Variants in NHSL2 observed in about 807,000 individuals in gnomAD.
NHSL2 encodes the protein NHS like 2.
NHSL2 carries 27 observed loss-of-function variants against 53.4 expected under a neutral mutation model. The ratio of observed to expected loss-of-function variants is 0.51; its 90% CI spans 0.37 to 0.70. NHSL2 has a LOEUF of 0.70. Among genes scored for constraint, NHSL2 ranks in the 30% least tolerant of loss-of-function variants. NHSL2 has a pLI of 0.00. For missense variants in NHSL2, 892 were observed against 980.1 expected (o/e 0.91, Z 1.20); for synonymous variants, 408 against 404.1 (o/e 1.01, Z -0.12).
At chrX:72,076,008 A>G (rs1016975396) in intron 1 of NHSL2, among the ~76,000 whole-genome samples, 1 of 110,255 alleles carries the variant, frequency 9.1e-6, no homozygotes, top group African/African-American at 3.3e-5. Flanking sequence ...ATCTCAGCCC[A>G]CTGCAGCCTC....
chrX:72,102,148 A>G (rs1398186723), intron 1 of NHSL2, among the ~76,000 whole-genome samples: 1 of 112,435 alleles, frequency 8.9e-6, no homozygotes, highest in African/African-American at 3.2e-5. Context: ...TGCTTTGGAT[A>G]TTGTCTTTGT....
chrX:72,130,234 CCTT>C, intron 1 of NHSL2: 1 of 1,210,340 alleles, frequency 8.3e-7, no homozygotes. Flanking sequence ...CTGTGGCTCT[CCTT>C]CTGGTTTCTG....
At chrX:72,054,209 C>A (rs1407622273) in intron 1 of NHSL2, among the ~76,000 whole-genome samples, 1 of 111,641 alleles carries the variant, frequency 9.0e-6, no homozygotes, top group Non-Finnish European at 1.9e-5. Context: ...GTAGAGCCTT[C>A]CTGCTTGCAT....
At chrX:71,977,425 C>T (rs1463228880) in intron 1 of NHSL2, among the ~76,000 whole-genome samples, 4 of 92,692 alleles carry the variant, frequency 4.3e-5, no homozygotes, top group African/African-American at 3.8e-5. Context: ...CTCTCTCTCT[C>T]TTTTTTTTTT....
chrX:72,035,345 G>A, intron 1 of NHSL2, among the ~76,000 whole-genome samples: 1 of 34,853 alleles, frequency 2.9e-5, no homozygotes, highest in East Asian at 1.9e-3. Flanking sequence ...CTCTCGTTGG[G>A]TGGAGGGTTC....
At chrX:72,063,486 A>G (rs1174377721) in intron 1 of NHSL2, among the ~76,000 whole-genome samples, 2 of 112,410 alleles carry the variant, frequency 1.8e-5, no homozygotes, top group Non-Finnish European at 3.8e-5. Context: ...GAAGTTGACC[A>G]TGCCCAGGAC....
At position 72,134,162 on chromosome X, in the gene NHSL2, A is replaced by G. The variant is rs1271032587; in HGVS notation, c.508A>G (p.Lys170Glu). The G allele has an allele frequency of 8.6e-7, 1 of 1,165,782 alleles. No homozygotes were observed. Among genetic ancestry groups the G allele is most frequent in the East Asian group, 3.3e-5 (1 of 30,702 alleles). Reference sequence around the variant, plus strand: ...CTTCCGCTCTTCTGATGAGGCCACTAAGCCCACCCCCAACCCAAGGCCCCA... The same window carrying G: ...CTTCCGCTCTTCTGATGAGGCCACTGAGCCCACCCCCAACCCAAGGCCCCA... ...QTFRSSDEAT[K>E]PTPNPRPQSA... is the part of the protein sequence containing the mutation. The change falls in exon 3 of 8, where the codon AAG (lysine) becomes GAG (glutamate). Residue 170 changes from lysine to glutamate, a missense_variant. Coordinates refer to ENST00000633930, the MANE Select transcript of NHSL2 (RefSeq NM_001013627.3).
At chrX:71,991,818 T>TTCTCTCTCTCTCTCTCTCTCTC (rs59851052) in intron 1 of NHSL2, among the ~76,000 whole-genome samples, 14 of 99,855 alleles carry the variant, frequency 1.4e-4, no homozygotes, top group African/African-American at 4.7e-4. Context: ...GTCTTTCTCT[T>TTCTCTCTCTCTCTCTCTCTCTC]TCTCTCTCTC....
intron 1 of NHSL2, among the ~76,000 whole-genome samples, chrX:72,015,527 G>A (rs780228734): frequency 4.5e-5 from 5 of 112,184 alleles, no homozygotes; most frequent in South Asian, 3.7e-4. Flanking sequence ...GCTAAGTGGC[G>A]TTGCTGGGTA....
Position 71,986,511 on chromosome X carries a change from T to G in NHSL2, c.280+75144T>G, listed in dbSNP as rs759183211. On this transcript the variant is annotated intron_variant, in intron 1 of 7. Coordinates refer to ENST00000633930, the MANE Select transcript of NHSL2 (RefSeq NM_001013627.3). ...CTTTTTCCCTGCCATTTATCCAAAGTCATAGACAAAAACCTTTCATTATCT... is the reference window on the plus strand; with the variant it reads ...CTTTTTCCCTGCCATTTATCCAAAGGCATAGACAAAAACCTTTCATTATCT... Among the ~76,000 whole-genome samples the G allele has an allele frequency of 1.2e-4, 13 of 112,353 alleles. No homozygotes were observed. The South Asian group carries it at 4.8e-3, about 41-fold the overall frequency.
At position 72,152,348 on chromosome X, in the gene NHSL2, TGCGCGC is replaced by T. The variant is rs757711956; in HGVS notation, c.*8779_*8784del. On this transcript the variant is annotated 3_prime_UTR_variant, in exon 8 of 8. Coordinates refer to ENST00000633930, the MANE Select transcript of NHSL2 (RefSeq NM_001013627.3). ...ATCACACCATACATGCGTGTGTGCA[TGCGCGC>T]GCGCACACACACACACACACACACA... The T allele has an allele frequency of 0.083, 1,886 of 22,663 alleles. 23 individuals carry two copies. Among genetic ancestry groups the T allele is most frequent in the Admixed American group, 0.28 (619 of 2,236 alleles). The allele number at this position is 22,663 out of a possible 1,213,427, so 1.9% of individuals were successfully genotyped here.
At chrX:72,119,101 G>A (rs1185828575) in intron 1 of NHSL2, among the ~76,000 whole-genome samples, 3 of 111,770 alleles carry the variant, frequency 2.7e-5, no homozygotes. Context: ...ATTTATTTCA[G>A]GACTCTCAAT....
chrX:72,092,380 A>G (rs2041907054), intron 1 of NHSL2, among the ~76,000 whole-genome samples: 1 of 111,372 alleles, frequency 9.0e-6, no homozygotes, highest in Non-Finnish European at 1.9e-5. Flanking sequence ...TCTGTCACAT[A>G]CACGTTCCCC....
At chrX:72,131,244 G>C (rs2042294785) in intron 1 of NHSL2, 1 of 1,197,951 alleles carries the variant, frequency 8.3e-7, no homozygotes, top group Admixed American at 2.2e-5. Context: ...GATCATCCGA[G>C]ATACAGTCGG....
intron 1 of NHSL2, among the ~76,000 whole-genome samples, chrX:72,015,861 TTCTC>T (rs762746393): frequency 9.6e-4 from 108 of 112,651 alleles, no homozygotes; most frequent in African/African-American, 3.3e-3. Context: ...TTTACAGAAA[TTCTC>T]TATATATTTT....
chrX:72,150,704 A>G lies in NHSL2; in HGVS notation c.*7130A>G, dbSNP rs564433569. The G allele has an allele frequency of 8.9e-6, 1 of 112,120 alleles. No homozygotes were observed. The allele number at this position is 112,120 out of a possible 1,213,427, so 9.2% of individuals were successfully genotyped here. ...TTCCTTAGTACATGCATACCTTACT[A>G]TTCTGTGGAATTGCAAGCCATGCAT... On this transcript the variant is annotated 3_prime_UTR_variant, in exon 8 of 8. Coordinates refer to ENST00000633930, the MANE Select transcript of NHSL2 (RefSeq NM_001013627.3).
chrX:71,917,262 C>T (rs1467635231), intron 1 of NHSL2, among the ~76,000 whole-genome samples: 3 of 66,594 alleles, frequency 4.5e-5, no homozygotes, highest in Non-Finnish European at 8.1e-5. Flanking sequence ...TCCCTCCCCC[C>T]TCCCTCCCTC....
chrX:72,099,757 A>G (rs898400237), intron 1 of NHSL2, among the ~76,000 whole-genome samples: 1 of 112,577 alleles, frequency 8.9e-6, no homozygotes, highest in African/African-American at 3.2e-5. Flanking sequence ...TTACTCCAAT[A>G]TATCAAAAAT....
intron 1 of NHSL2, among the ~76,000 whole-genome samples, chrX:72,056,909 A>T (rs2042373034): frequency 8.9e-6 from 1 of 112,314 alleles, no homozygotes; most frequent in Non-Finnish European, 1.9e-5. Flanking sequence ...CTTTTAGACG[A>T]TGATATCATC....
Sources: allele counts gnomAD v4.1 joint callset (sites outside exome capture counted in the v4.1 genomes callset), GRCh38; gene constraint gnomAD v4.1.1; transcripts MANE v1.5; gene names NCBI Gene and HGNC (gene_info 2026-07-23, HGNC 2026-07-21).